Variants in ZNF236 observed in about 807,000 individuals in gnomAD.
The protein encoded by ZNF236 is regulated by glucose.
ZNF236 carries 50 observed loss-of-function variants against 191.2 expected under a neutral mutation model. The observed-to-expected ratio is 0.26, with a 90% CI of 0.21 to 0.33. The LOEUF (loss-of-function observed/expected upper bound fraction) is 0.33, where lower values mean the gene tolerates loss of function less well. Ranked by LOEUF, ZNF236 falls within the 10% of genes least tolerant of loss-of-function variation. The pLI is 1.00. For missense variants in ZNF236, 1,754 were observed against 2,374.5 expected, an observed-to-expected ratio of 0.74 and a Z score of 5.43; for synonymous variants, 907 against 928.8, an observed-to-expected ratio of 0.98 and a Z score of 0.43.
chr18:76,838,755 GAGA>G lies in ZNF236; in HGVS notation c.56-10766_56-10764del, dbSNP rs546675581. 1.3e-3 allele frequency among the ~76,000 whole-genome samples: 199 copies of G among 152,256 alleles called. 1 individual carries two copies. Among genetic ancestry groups the G allele is most frequent in the African/African-American group, 4.5e-3 (187 of 41,546 alleles). ...AAACTATATTGATATATAACACACA[GAGA>G]AGAACAGAAATTGTGGTTGGCTCAA... is the stretch of plus-strand genomic sequence containing the variant. On this transcript the variant is annotated intron_variant, in intron 1 of 30. Transcript: ENST00000320610.
chr18:76,890,528 A>G (rs1239526438), intron 9 of ZNF236, among the ~76,000 whole-genome samples: 1 of 152,216 alleles, frequency 6.6e-6, no homozygotes, highest in Non-Finnish European at 1.5e-5. Context: ...TCATGTAGTC[A>G]TGTAGATTTA....
At position 76,931,814 on chromosome 18, in the gene ZNF236, G is replaced by A. The variant is rs73968234; in HGVS notation, c.4594+3708G>A. 5.3e-3 allele frequency among the ~76,000 whole-genome samples: 808 copies of A among 152,154 alleles called. 7 individuals are homozygous for A. The highest frequency in any genetic ancestry group is 0.018 in the African/African-American group (747 of 41,514). On this transcript the variant is annotated intron_variant, in intron 25 of 30. Transcript: ENST00000320610. Reference sequence around the variant, plus strand: ...CAGTTTAGGATAACATACCTATCTCGTTCTCTTCACCTTGTAGAGATTGCA... The same window carrying A: ...CAGTTTAGGATAACATACCTATCTCATTCTCTTCACCTTGTAGAGATTGCA...
At position 76,927,693 on chromosome 18, in the gene ZNF236, T is replaced by C. The variant is rs989500280; in HGVS notation, c.4414+176T>C. On this transcript the variant is annotated intron_variant, in intron 24 of 30. Coordinates refer to ENST00000320610, the MANE Select transcript of ZNF236 (RefSeq NM_001306089.2). This position sits in a 1 kb window ranked among gnomAD's most constrained non-coding sequence, Gnocchi z 5.4. ...CTTACAATTAATGATATGTATTTAA[T>C]ATATGCTCTTAGATTATTACTACCT... Among the ~76,000 whole-genome samples, 3 of 152,238 alleles carry C rather than the reference T, an allele frequency of 2.0e-5. No individual in the cohort carries two copies. The highest frequency in any genetic ancestry group is 7.2e-5 in the African/African-American group (3 of 41,460).
intron 17 of ZNF236, among the ~76,000 whole-genome samples, chr18:76,913,510 A>G (rs565202168): frequency 6.6e-6 from 1 of 152,382 alleles, no homozygotes; most frequent in African/African-American, 2.4e-5. Context: ...TTTAAGTAAT[A>G]CATTTAAGAC....
chr18:76,917,979 A>G (rs1477655780), intron 19 of ZNF236, among the ~76,000 whole-genome samples: 1 of 151,574 alleles, frequency 6.6e-6, no homozygotes, highest in Non-Finnish European at 1.5e-5. Context: ...TTCCCTCCCC[A>G]ATCCCCTCCC....
At chr18:76,892,381 G>A (rs926243386) in intron 9 of ZNF236, among the ~76,000 whole-genome samples, 6 of 151,490 alleles carry the variant, frequency 4.0e-5, no homozygotes, top group Non-Finnish European at 8.8e-5. Flanking sequence ...ATTAATGGCA[G>A]TGATAGTGGA....
intron 30 of ZNF236, among the ~76,000 whole-genome samples, chr18:76,967,068 T>C (rs1010489242): frequency 0.026 from 3,626 of 141,344 alleles, 123 homozygotes; most frequent in African/African-American, 0.092. Flanking sequence ...TCGTGAGATG[T>C]GTTATTTGGT....
chr18:76,867,539 A>T (rs1455284872), intron 3 of ZNF236, among the ~76,000 whole-genome samples: 1 of 152,220 alleles, frequency 6.6e-6, no homozygotes, highest in African/African-American at 2.4e-5. Context: ...GATAGGAAAA[A>T]ATCAATGTAT....
chr18:76,837,140 GCCC>G lies in ZNF236; in HGVS notation c.56-12384_56-12382del, dbSNP rs1975358235. On this transcript the variant is annotated intron_variant, in intron 1 of 30. Transcript: ENST00000320610. ...ATCCGCACCCCCTCCCCCCCCCCCCGCCCCGCAAGCCTCCCAAAGTGCTGGAAT... is the reference window on the plus strand; with the variant it reads ...ATCCGCACCCCCTCCCCCCCCCCCCGCGCAAGCCTCCCAAAGTGCTGGAAT... Among the ~76,000 whole-genome samples, 20 of 30,384 alleles carry G rather than the reference GCCC, an allele frequency of 6.6e-4. 1 individual carries two copies. Among genetic ancestry groups the G allele is most frequent in the Admixed American group, 1.7e-3 (5 of 3,022 alleles). The allele number at this position is 30,384 out of a possible 152,430, so 19.9% of individuals were successfully genotyped here. A position where few individuals can be genotyped will look rare whatever the true frequency, so the allele number is the denominator to read the frequency against.
intron 3 of ZNF236, among the ~76,000 whole-genome samples, chr18:76,859,329 C>T (rs144910653): frequency 3.9e-5 from 6 of 152,162 alleles, no homozygotes; most frequent in East Asian, 1.9e-4. Flanking sequence ...ATGTCTTGCA[C>T]GTGTTCCCAG....
Position 76,927,430 on chromosome 18 carries a change from C to T in ZNF236, c.4327C>T (p.Leu1443=), listed in dbSNP as rs760010302. ...TGTTGTCATCCAGCCCATCTCAGGC[C>T]TGTCCTTACAGCCCACAGTGACCTC... ...ASVVIQPISG[L]SLQPTVTSAN... The change falls in exon 24 of 31, where the codon CTG becomes TTG. Residue 1443 remains leucine, a synonymous_variant. Transcript: ENST00000320610. This position sits in a 1 kb window ranked among gnomAD's most constrained non-coding sequence, Gnocchi z 5.4. The T allele has an allele frequency of 1.9e-6, 3 of 1,614,228 alleles. 1 individual carries two copies. In the South Asian group the frequency reaches 3.3e-5, roughly 18 times the overall value.
chr18:76,937,375 C>G, intron 26 of ZNF236, 32 bp downstream of exon 26: 1 of 1,519,264 alleles, frequency 6.6e-7, no homozygotes, highest in Non-Finnish European at 8.9e-7. Flanking sequence ...ATGCGAAGGT[C>G]CTTTCAAAAA....
intron 9 of ZNF236, among the ~76,000 whole-genome samples, chr18:76,883,609 G>A (rs1054319526): frequency 1.3e-5 from 2 of 151,920 alleles, no homozygotes; most frequent in African/African-American, 2.4e-5. Flanking sequence ...ACTTCTTTTT[G>A]TAGAGCTGAG....
At chr18:76,849,404 C>T in intron 1 of ZNF236, 122 bp from the exon 2 acceptor site, 1 of 753,818 alleles carries the variant, frequency 1.3e-6, no homozygotes. Flanking sequence ...TTAATTTCGT[C>T]TAAAATGTCA....
chr18:76,910,299 G>C, intron 15 of ZNF236, 130 bp downstream of exon 15: 2 of 776,152 alleles, frequency 2.6e-6, no homozygotes, highest in Admixed American at 3.1e-5. Context: ...ATAACTTTTT[G>C]CATGCATTGT....
At chr18:76,914,337 G>C (rs1333241168) in intron 18 of ZNF236, among the ~76,000 whole-genome samples, 1 of 152,168 alleles carries the variant, frequency 6.6e-6, no homozygotes, top group Non-Finnish European at 1.5e-5. Flanking sequence ...GATGGACATT[G>C]GAGTTATTTC....
At chr18:76,894,867 C>T (rs1977354006) in intron 9 of ZNF236, 146 bp from the exon 10 acceptor site, 2 of 1,117,696 alleles carry the variant, frequency 1.8e-6, no homozygotes, top group Admixed American at 2.2e-5. Context: ...AACTCCTAGC[C>T]CTCGATAATG....
rs17060055 is a variant in ZNF236 at position 76,911,347 on chromosome 18, G to A, written c.2805+536G>A. On this transcript the variant is annotated intron_variant, in intron 16 of 30. Transcript: ENST00000320610. ...GTTATCCCTCTTTAAAATCCACCGC[G>A]GGTAGCTTTGCCCAAGTGGTAGGGC... Among the ~76,000 whole-genome samples, 353 of 152,072 alleles carry A rather than the reference G, an allele frequency of 2.3e-3. 4 individuals carry two copies. The South Asian group carries it at 0.032, about 14-fold the overall frequency.
In ZNF236 at chr18:76,908,963, CTGTGTGTGTGTGTGTGTGTGTGTGTG is replaced by C. The variant is rs10524379; in HGVS notation, c.2551+408_2551+433del. Among the ~76,000 whole-genome samples, 836 of 147,228 alleles carry C rather than the reference CTGTGTGTGTGTGTGTGTGTGTGTGTG, an allele frequency of 5.7e-3. 12 individuals are homozygous for C. The highest frequency in any genetic ancestry group is 0.018 in the African/African-American group (698 of 39,500). On this transcript the variant is annotated intron_variant, in intron 14 of 30. Coordinates refer to ENST00000320610, the MANE Select transcript of ZNF236 (RefSeq NM_001306089.2). ...CAGGGGTGTGTGTGTATGTGTGTGT[CTGTGTGTGTGTGTGTGTGTGTGTGTG>C]TGTGTGTGTGTGTGTGTTTGGTATG...
Sources: allele counts gnomAD v4.1 joint callset (sites outside exome capture counted in the v4.1 genomes callset), GRCh38; gene constraint gnomAD v4.1.1; non-coding constraint Gnocchi (gnomAD v3.1); transcripts MANE v1.5; gene names NCBI Gene and HGNC (gene_info 2026-07-23, HGNC 2026-07-21).